Variants in IL31RA observed in about 807,000 individuals in gnomAD.
IL31RA encodes interleukin 31 receptor A.
In IL31RA, 66 loss-of-function variants were observed where a neutral mutation model predicts 83.7. The observed-to-expected ratio is 0.79, with a 90% CI of 0.65 to 0.97. The LOEUF (loss-of-function observed/expected upper bound fraction) is 0.97. IL31RA is among the 50% of genes least tolerant of loss of function. IL31RA has a pLI of 0.00. For synonymous variants in IL31RA, 325 were observed against 329.0 expected, an observed-to-expected ratio of 0.99 and a Z score of 0.13; for missense variants, 798 against 919.4, an observed-to-expected ratio of 0.87 and a Z score of 1.71.
intron 1 of IL31RA, 133 bp from the exon 2 acceptor site, chr5:55,859,376 G>A (rs1034367222): frequency 8.3e-6 from 6 of 721,016 alleles, no homozygotes; most frequent in Non-Finnish European, 1.5e-5. Context: ...GGATCTAGGT[G>A]ATGATAGTCA....
intron 1 of IL31RA, 120 bp downstream of exon 1, chr5:55,851,753 A>G: frequency 6.3e-7 from 1 of 1,597,492 alleles, no homozygotes; most frequent in Admixed American, 1.7e-5. Flanking sequence ...CCTGAGCCGT[A>G]TGAGATTCCG....
upstream of IL31RA, among the ~76,000 whole-genome samples, chr5:55,849,799 A>G (rs889347866): frequency 1.3e-5 from 2 of 151,962 alleles, no homozygotes; most frequent in South Asian, 2.1e-4. Flanking sequence ...TCTCTCTTCT[A>G]TTTGAAATTT....
chr5:55,851,022 G>A (rs1490313018), upstream of IL31RA, among the ~76,000 whole-genome samples: 1 of 152,198 alleles, frequency 6.6e-6, no homozygotes, highest in African/African-American at 2.4e-5. Context: ...TTCAACCCGG[G>A]AGGTGGAGGT....
At chr5:55,884,722 C>T (rs1156401979) in intron 5 of IL31RA, among the ~76,000 whole-genome samples, 1 of 152,206 alleles carries the variant, frequency 6.6e-6, no homozygotes, top group Non-Finnish European at 1.5e-5. Flanking sequence ...TGAGCAGACA[C>T]ATTATTGACT....
upstream of IL31RA, among the ~76,000 whole-genome samples, chr5:55,847,441 G>A (rs956804221): frequency 6.6e-6 from 1 of 151,872 alleles, no homozygotes; most frequent in Non-Finnish European, 1.5e-5. Flanking sequence ...AATTAGGTGG[G>A]CGTGGTGGTG....
chr5:55,846,088 G>A, the IL31RA span, among the ~76,000 whole-genome samples: 1 of 152,174 alleles, frequency 6.6e-6, no homozygotes, highest in Admixed American at 6.5e-5. Context: ...TGGTTCCTGT[G>A]GAAATGAGTT....
chr5:55,893,249 C>A (rs148506837), intron 6 of IL31RA, among the ~76,000 whole-genome samples: 17 of 152,302 alleles, frequency 1.1e-4, no homozygotes, highest in African/African-American at 4.1e-4. Context: ...CTTAATTTCT[C>A]TGTGCTTCAG....
rs192942696 is a variant in IL31RA, at chr5:55,880,535, A to G, written c.455-2509A>G. 9.8e-5 allele frequency among the ~76,000 whole-genome samples: 15 copies of G among 152,364 alleles called. No individual in the cohort carries two copies. In the South Asian group the frequency reaches 2.7e-3, roughly 27 times the overall value. On this transcript the variant is annotated intron_variant, in intron 4 of 14. Transcript: ENST00000652347. ...TAAAAAGATAATACTATTCAATTCT[A>G]GCTAGCAAGAGTCTGGTGAGATGGG...
chr5:55,846,635 A>G (rs1744932874), upstream of IL31RA, among the ~76,000 whole-genome samples: 1 of 152,012 alleles, frequency 6.6e-6, no homozygotes, highest in African/African-American at 2.4e-5. Flanking sequence ...CGTCTCTACT[A>G]AAAATACAAA....
At chr5:55,897,507 G>A (rs1748482000) in intron 7 of IL31RA, among the ~76,000 whole-genome samples, 1 of 152,170 alleles carries the variant, frequency 6.6e-6, no homozygotes, top group Admixed American at 6.5e-5. Flanking sequence ...GAAGAGCTCT[G>A]ATCAGGGTCA....
intron 7 of IL31RA, among the ~76,000 whole-genome samples, chr5:55,897,050 G>C (rs1748448298): frequency 1.6e-5 from 1 of 63,906 alleles, no homozygotes; most frequent in Non-Finnish European, 2.9e-5. Flanking sequence ...GGGTCTTGCT[G>C]TGTTGTCCAG....
intron 2 of IL31RA, among the ~76,000 whole-genome samples, chr5:55,868,048 A>G (rs1746296647): frequency 6.6e-6 from 1 of 152,244 alleles, no homozygotes; most frequent in African/African-American, 2.4e-5. Context: ...GTGATTTATA[A>G]TGGTGACAAA....
chr5:55,867,146 TGC>T (rs1395981769), intron 2 of IL31RA, among the ~76,000 whole-genome samples: 16 of 140,520 alleles, frequency 1.1e-4, no homozygotes, highest in African/African-American at 4.1e-4. Flanking sequence ...CATGTGTGTG[TGC>T]ATGTGTGTTT....
intron 6 of IL31RA, among the ~76,000 whole-genome samples, chr5:55,894,454 C>T (rs972915602): frequency 1.3e-5 from 2 of 152,126 alleles, no homozygotes; most frequent in African/African-American, 2.4e-5. Context: ...TGAGACAACA[C>T]CTCAGTGGGA....
intron 5 of IL31RA, among the ~76,000 whole-genome samples, chr5:55,883,641 T>C (rs1156733567): frequency 2.6e-5 from 4 of 152,206 alleles, no homozygotes; most frequent in African/African-American, 9.6e-5. Flanking sequence ...CGGCCAAGAA[T>C]AGAACTTCTC....
chr5:55,853,792 G>GA (rs758722638), intron 1 of IL31RA, among the ~76,000 whole-genome samples: 84 of 152,250 alleles, frequency 5.5e-4, no homozygotes, highest in Non-Finnish European at 3.4e-4. Flanking sequence ...AAGGATTGGG[G>GA]AAAATATCTG....
chr5:55,887,138 T>C (rs1747668392), intron 5 of IL31RA, among the ~76,000 whole-genome samples: 1 of 152,230 alleles, frequency 6.6e-6, no homozygotes, highest in Non-Finnish European at 1.5e-5. Context: ...ATATTATGAG[T>C]AACAAAGAGC....
chr5:55,864,501 T>G (rs777849117), intron 2 of IL31RA, among the ~76,000 whole-genome samples: 1 of 134,464 alleles, frequency 7.4e-6, no homozygotes, highest in Non-Finnish European at 1.6e-5. Context: ...ATAATCATAC[T>G]ACACACACCA....
chr5:55,910,548 C>T lies in IL31RA; in HGVS notation c.1518C>T (p.Ser506=), dbSNP rs1188308760. ...TTCCTTTAGCCAAGACAGTCAATTC[C>T]AGCATCTTGCAGTACGGCCTGGAGT... is the stretch of plus-strand genomic sequence containing the variant. The part of the protein sequence containing the change: ...GGKGFSKTVN[S]SILQYGLESL... Residue 506 remains serine (S), a synonymous_variant, in exon 12 of 15, where the codon TCC becomes TCT. Transcript: ENST00000652347. The T allele has an allele frequency of 6.2e-7, 1 of 1,614,020 alleles. No individual in the cohort carries two copies. The highest frequency in any genetic ancestry group is 1.3e-5 in the African/African-American group (1 of 74,904).
Sources: gnomAD v4.1 joint callset for allele counts (sites outside exome capture counted in the v4.1 genomes callset) on GRCh38, gnomAD v4.1.1 for gene constraint, MANE v1.5 for transcripts, NCBI Gene and HGNC (gene_info 2026-07-23, HGNC 2026-07-21) for gene names.